Variants in FANCD2OS observed in about 807,000 individuals in gnomAD.
The protein encoded by FANCD2OS is FANCD2 opposite strand, also known as FANCD2 opposite strand protein.
Under a neutral mutation model 13.2 loss-of-function variants are expected in FANCD2OS, and 11 were observed. The ratio of observed to expected loss-of-function variants is 0.83; its 90% CI spans 0.52 to 1.38. The LOEUF is 1.38. FANCD2OS is among the 40% of genes most tolerant of loss of function. FANCD2OS has a pLI of 0.00. For missense variants in FANCD2OS, 217 were observed against 213.9 expected (o/e 1.01, Z -0.09); for synonymous variants, 69 against 84.5 (o/e 0.82, Z 1.01).
chr3:10,090,273 T>C, intron 2 of FANCD2OS: 1 of 1,594,790 alleles, frequency 6.3e-7, no homozygotes, highest in Non-Finnish European at 8.6e-7. Flanking sequence ...TGGGCACGCA[T>C]GCTTTTCCCG....
At chr3:10,100,920 T>C (rs1695262132), downstream of FANCD2OS, among the ~76,000 whole-genome samples, 1 of 152,056 alleles carries the variant, frequency 6.6e-6, no homozygotes, top group African/African-American at 2.4e-5. Flanking sequence ...AATACAAAAA[T>C]TAGCCGGGCG....
chr3:10,107,979 C>A (rs1228465905), intron 1 of FANCD2OS, 36 bp downstream of exon 1: 1 of 152,448 alleles, frequency 6.6e-6, no homozygotes, highest in African/African-American at 2.4e-5. Context: ...CACCCCACTT[C>A]CCATTCCAAG....
At chr3:10,105,750 A>T (rs1331912674) in intron 1 of FANCD2OS, among the ~76,000 whole-genome samples, 1 of 6,848 alleles carries the variant, frequency 1.5e-4, no homozygotes, top group African/African-American at 1.1e-3. Context: ...GACTCCATCT[A>T]AAAAAAAAAA....
At chr3:10,087,150 T>C in intron 2 of FANCD2OS, 1 of 1,614,164 alleles carries the variant, frequency 6.2e-7, no homozygotes, top group Non-Finnish European at 8.5e-7. Context: ...CGTCCATTAC[T>C]TGCAGAATTT....
intron 1 of FANCD2OS, 94 bp from the exon 2 acceptor site, chr3:10,104,876 T>A: frequency 9.0e-7 from 1 of 1,106,640 alleles, no homozygotes; most frequent in Non-Finnish European, 1.3e-6. Flanking sequence ...ACTATAGACA[T>A]AAACTTGTTC....
downstream of FANCD2OS, chr3:10,101,090 T>A: frequency 3.3e-6 from 3 of 919,014 alleles, no homozygotes; most frequent in South Asian, 2.8e-5. Context: ...GTTTTAACAG[T>A]GATAATAGTA....
chr3:10,102,500 T>A (rs1016041338), downstream of FANCD2OS, among the ~76,000 whole-genome samples: 31 of 152,146 alleles, frequency 2.0e-4, no homozygotes, highest in African/African-American at 6.7e-4. Context: ...TGGCTGCTTT[T>A]AAAATTTTTT....
intron 2 of FANCD2OS, chr3:10,094,239 T>C: frequency 1.4e-6 from 2 of 1,453,828 alleles, no homozygotes; most frequent in Non-Finnish European, 1.9e-6. Context: ...CTCAGGGGCC[T>C]TTCAGTGAGA....
downstream of FANCD2OS, chr3:10,101,590 C>A: frequency 2.7e-6 from 1 of 371,914 alleles, no homozygotes; most frequent in Non-Finnish European, 5.1e-6. Flanking sequence ...TTTACCATGT[C>A]GGCCAGATGG....
downstream of FANCD2OS, chr3:10,098,906 G>C (rs771414227): frequency 6.2e-7 from 1 of 1,614,044 alleles, no homozygotes; most frequent in Non-Finnish European, 8.5e-7. Context: ...GCCTACTTAT[G>C]TTTATTGTCA....
At chr3:10,101,771 T>C (rs572357255), downstream of FANCD2OS, 1 of 208,778 alleles carries the variant, frequency 4.8e-6, no homozygotes, top group South Asian at 1.4e-4. Context: ...AGGATTCTAA[T>C]GTAGCATTAT....
chr3:10,092,083 G>A, intron 2 of FANCD2OS: 1 of 900,988 alleles, frequency 1.1e-6, no homozygotes. Flanking sequence ...TTAAATATCT[G>A]TATAGCTATG....
downstream of FANCD2OS, chr3:10,101,103 G>T: frequency 9.8e-7 from 1 of 1,022,508 alleles, no homozygotes; most frequent in Admixed American, 1.7e-5. Context: ...TAATAGTACA[G>T]TTGTGTATCC....
downstream of FANCD2OS, among the ~76,000 whole-genome samples, chr3:10,100,779 T>C (rs905618882): frequency 6.6e-6 from 1 of 152,164 alleles, no homozygotes; most frequent in Non-Finnish European, 1.5e-5. Context: ...TTTAAAATTA[T>C]GCAAATTGGG....
chr3:10,081,771 G>T (rs1357231683), intron 2 of FANCD2OS, among the ~76,000 whole-genome samples: 3 of 152,120 alleles, frequency 2.0e-5, no homozygotes, highest in African/African-American at 7.2e-5. Context: ...ATTGTTTGGT[G>T]ATGAGCTGAA....
At chr3:10,093,356 A>G (rs1414502877) in intron 2 of FANCD2OS, 1 of 1,566,166 alleles carries the variant, frequency 6.4e-7, no homozygotes, top group Admixed American at 1.7e-5. Context: ...TTTCATATTT[A>G]TTCTTCCTGT....
intron 2 of FANCD2OS, chr3:10,090,234 C>T: frequency 1.5e-6 from 2 of 1,296,658 alleles, no homozygotes; most frequent in Admixed American, 3.4e-5. Flanking sequence ...TGGTTCTTCC[C>T]AGGTAGTTCT....
chr3:10,081,351 A>C, exon 3 of FANCD2OS: 1 of 1,613,676 alleles, frequency 6.2e-7, no homozygotes, highest in Non-Finnish European at 8.5e-7. Context: ...TTTAGTGTTT[A>C]GCTGCTGAGA....
chr3:10,082,105 C>G (rs1054025025), intron 2 of FANCD2OS, among the ~76,000 whole-genome samples: 8 of 152,236 alleles, frequency 5.3e-5, no homozygotes, highest in African/African-American at 1.9e-4. Context: ...ACCTCACACT[C>G]CACATCCAAA....
Sources: gnomAD v4.1 joint callset for allele counts (sites outside exome capture counted in the v4.1 genomes callset) on GRCh38, gnomAD v4.1.1 for gene constraint, MANE v1.5 for transcripts, NCBI Gene and HGNC (gene_info 2026-07-23, HGNC 2026-07-21) for gene names.